Variants in PSTPIP2 observed in about 807,000 individuals in gnomAD.
The protein encoded by PSTPIP2 is proline-serine-threonine phosphatase-interacting protein 2.
A neutral mutation model predicts 63.3 loss-of-function variants in PSTPIP2; 33 were observed. The observed-to-expected ratio is 0.52, with a 90% CI of 0.40 to 0.70. PSTPIP2 has a LOEUF of 0.70. Among genes scored for constraint, PSTPIP2 ranks in the 30% least tolerant of loss-of-function variants. The pLI is 0.00. For synonymous variants in PSTPIP2, 125 were observed against 132.7 expected, an observed-to-expected ratio of 0.94 and a Z score of 0.40; for missense variants, 312 against 400.7, an observed-to-expected ratio of 0.78 and a Z score of 1.89.
intron 2 of PSTPIP2, chr18:46,028,995 A>T: frequency 1.1e-6 from 1 of 891,720 alleles, no homozygotes; most frequent in Non-Finnish European, 1.9e-6. Context: ...GTCCTTGTGC[A>T]CAGATTGTGA....
chr18:46,006,360 CTTTTTTTTT>C lies in PSTPIP2; in HGVS notation c.355-838_355-830del, dbSNP rs756384731. Among the ~76,000 whole-genome samples the C allele has an allele frequency of 2.6e-4, 30 of 115,646 alleles. 2 individuals carry two copies. The highest frequency in any genetic ancestry group is 1.5e-3 in the Admixed American group (15 of 10,196). The allele number at this position is 115,646 out of a possible 152,430, so 75.9% of individuals were successfully genotyped here. On this transcript the variant is annotated intron_variant, in intron 5 of 14. Transcript: ENST00000409746. ...TGAGCCACCATGCCCAGCCCTGGTA[CTTTTTTTTT>C]TTTTTTTTTTTTTTTTTTCTGAGAC...
chr18:46,057,512 T>C (rs1026302868), intron 1 of PSTPIP2, among the ~76,000 whole-genome samples: 9 of 151,814 alleles, frequency 5.9e-5, no homozygotes, highest in African/African-American at 2.2e-4. Flanking sequence ...GTATTTTTAG[T>C]AGAGATGGGA....
intron 10 of PSTPIP2, 89 bp downstream of exon 10, chr18:45,993,516 C>T (rs986920939): frequency 3.9e-6 from 5 of 1,287,136 alleles, no homozygotes; most frequent in Non-Finnish European, 4.4e-6. Flanking sequence ...TCACCAAGGG[C>T]AAAGTGAACC....
intron 1 of PSTPIP2, among the ~76,000 whole-genome samples, chr18:46,064,866 C>T (rs915381419): frequency 2.6e-5 from 4 of 151,118 alleles, no homozygotes; most frequent in Non-Finnish European, 4.4e-5. Flanking sequence ...AACACTGGGC[C>T]GGGTGCGGTG....
At chr18:46,010,185 C>G (rs1357262870) in intron 5 of PSTPIP2, among the ~76,000 whole-genome samples, 23 of 152,230 alleles carry the variant, frequency 1.5e-4, no homozygotes, top group Non-Finnish European at 4.4e-5. Flanking sequence ...AACCCAGAAC[C>G]ACAGGCAAAG....
At chr18:45,986,267 G>A (rs2051465444) in intron 14 of PSTPIP2, among the ~76,000 whole-genome samples, 2 of 152,058 alleles carry the variant, frequency 1.3e-5, no homozygotes, top group African/African-American at 4.8e-5. Flanking sequence ...TGTATATGTT[G>A]AACCCCAACT....
In PSTPIP2 at chr18:45,984,183, T is replaced by A. The variant is rs2067744752; in HGVS notation, c.*1276A>T. ...AAAAAAGATGAGGAAATAATCAATC[T>A]TCTTCTGATCAATTTGTCCATAGTT... On this transcript the variant is annotated 3_prime_UTR_variant, in exon 15 of 15. Transcript: ENST00000409746. 6.6e-6 allele frequency: 1 copy of A among 152,058 alleles called. No homozygotes were observed. The highest frequency in any genetic ancestry group is 2.4e-5 in the African/African-American group (1 of 41,430). 9.4% of individuals were successfully genotyped at this position (152,058 alleles called of 1,614,324 possible). A position where few individuals can be genotyped will look rare whatever the true frequency, so the allele number is the denominator to read the frequency against.
chr18:46,054,662 A>AT (rs1908692754), intron 1 of PSTPIP2, among the ~76,000 whole-genome samples: 1 of 129,436 alleles, frequency 7.7e-6, no homozygotes, highest in African/African-American at 3.5e-5. Context: ...AAAACCTACT[A>AT]ATTTTTTTTT....
intron 1 of PSTPIP2, among the ~76,000 whole-genome samples, chr18:46,050,154 T>C (rs1389384308): frequency 6.6e-6 from 1 of 152,188 alleles, no homozygotes; most frequent in Admixed American, 6.5e-5. Context: ...AGGAGGAAAT[T>C]AGCAATATCC....
chr18:46,039,742 T>TTCA lies in PSTPIP2; in HGVS notation c.134+202_134+204dup, dbSNP rs1908120597. Among the ~76,000 whole-genome samples, 8 of 152,332 alleles carry TTCA rather than the reference T, an allele frequency of 5.3e-5. No individual in the cohort carries two copies. The South Asian group carries it at 1.7e-3, about 32-fold the overall frequency. Reference sequence around the variant, plus strand: ...TTTCTTACTATAATTCGTTCGCAGTTTCATCATAAATCTTATGTGTCAAAC... The same window carrying TTCA: ...TTTCTTACTATAATTCGTTCGCAGTTTCATCATCATAAATCTTATGTGTCAAAC... On this transcript the variant is annotated intron_variant, in intron 2 of 14. Coordinates refer to ENST00000409746, the MANE Select transcript of PSTPIP2 (RefSeq NM_024430.4).
In PSTPIP2 at chr18:45,997,742, CG is replaced by C; in HGVS notation, c.642+6del. ...CCCAGTCCTGAGCAGCTTCCGGTTA[CG>C]GGTACCTCGCAGGCCTTGATGTGCT... is the stretch of plus-strand genomic sequence containing the variant. On this transcript the variant is annotated splice_donor_region_variant and intron_variant, in intron 9 of 14. Coordinates refer to ENST00000409746, the MANE Select transcript of PSTPIP2 (RefSeq NM_024430.4). 7.5e-7 allele frequency: 1 copy of C among 1,339,890 alleles called. No homozygotes were observed. Among genetic ancestry groups the C allele is most frequent in the Non-Finnish European group, 1.0e-6 (1 of 985,902 alleles). The allele number at this position is 1,339,890 out of a possible 1,614,324, so 83.0% of individuals were successfully genotyped here.
chr18:46,067,796 T>C (rs1200986236), intron 1 of PSTPIP2, among the ~76,000 whole-genome samples: 1 of 152,208 alleles, frequency 6.6e-6, no homozygotes, highest in African/African-American at 2.4e-5. Flanking sequence ...CTCTGAACCT[T>C]TACTGGTTCA....
At chr18:45,987,067 G>T (rs2051475430) in intron 14 of PSTPIP2, among the ~76,000 whole-genome samples, 1 of 152,164 alleles carries the variant, frequency 6.6e-6, no homozygotes, top group African/African-American at 2.4e-5. Context: ...TGATTAGGCT[G>T]GTCTCAAGTG....
chr18:46,022,935 A>G (rs902868044), intron 3 of PSTPIP2, among the ~76,000 whole-genome samples: 17 of 152,220 alleles, frequency 1.1e-4, no homozygotes, highest in African/African-American at 3.1e-4. Context: ...CTACGAAGCC[A>G]TAAAAAAGAA....
intron 1 of PSTPIP2, among the ~76,000 whole-genome samples, chr18:46,059,654 A>C (rs1908919550): frequency 6.6e-6 from 1 of 152,232 alleles, no homozygotes; most frequent in African/African-American, 2.4e-5. Context: ...AATTCCAGAG[A>C]AAACAATAGT....
intron 7 of PSTPIP2, among the ~76,000 whole-genome samples, chr18:45,999,226 TC>T (rs1381173444): frequency 6.6e-6 from 1 of 151,968 alleles, no homozygotes. Context: ...TCACCCCATC[TC>T]CCTCCCTCAT....
At chr18:46,056,620 C>T (rs548215766) in intron 1 of PSTPIP2, among the ~76,000 whole-genome samples, 10 of 152,174 alleles carry the variant, frequency 6.6e-5, no homozygotes, top group East Asian at 5.8e-4. Flanking sequence ...CCAGCTACTC[C>T]GGGGGCTGAG....
At chr18:46,017,565 T>C (rs1941680530) in intron 3 of PSTPIP2, among the ~76,000 whole-genome samples, 1 of 152,152 alleles carries the variant, frequency 6.6e-6, no homozygotes, top group African/African-American at 2.4e-5. Flanking sequence ...AATTTTTCTT[T>C]ACTTTTAACC....
At chr18:45,988,896 A>C (rs1160961730) in intron 13 of PSTPIP2, 137 bp from the exon 14 acceptor site, 2 of 697,970 alleles carry the variant, frequency 2.9e-6, no homozygotes, top group East Asian at 5.3e-5. Flanking sequence ...TCTGCCAACA[A>C]AAACTATAAA....
Sources: allele counts gnomAD v4.1 joint callset (sites outside exome capture counted in the v4.1 genomes callset), GRCh38; gene constraint gnomAD v4.1.1; transcripts MANE v1.5; gene names NCBI Gene and HGNC (gene_info 2026-07-23, HGNC 2026-07-21).